The following VAV2 variants were observed in gnomAD, a reference collection of about 807,000 sequenced individuals.
VAV2 encodes the protein vav guanine nucleotide exchange factor 2.
Under a neutral mutation model 132.5 loss-of-function variants are expected in VAV2, and 67 were observed. That is an observed-to-expected ratio of 0.51 (90% CI 0.42 to 0.62). VAV2 has a LOEUF of 0.62. Ranked by LOEUF, VAV2 falls within the 20% of genes least tolerant of loss-of-function variation. The probability of loss-of-function intolerance (pLI) is 0.00; values close to 1 mark genes in which losing one functional copy is unlikely to be tolerated. For missense variants in VAV2, 938 were observed against 1,153.6 expected, an observed-to-expected ratio of 0.81 and a Z score of 2.71; for synonymous variants, 492 against 443.5, an observed-to-expected ratio of 1.11 and a Z score of -1.37.
chr9:133,872,007 T>C (rs948563170), intron 2 of VAV2, among the ~76,000 whole-genome samples: 5 of 152,222 alleles, frequency 3.3e-5, no homozygotes, highest in African/African-American at 1.2e-4. Context: ...GTTGGGATTC[T>C]AGTCTGGAAG....
chr9:133,971,347 C>T lies in VAV2; in HGVS notation c.204+20728G>A, dbSNP rs533472465. Among the ~76,000 whole-genome samples the T allele has an allele frequency of 9.7e-4, 147 of 152,280 alleles. 2 individuals carry two copies. Among genetic ancestry groups the T allele is most frequent in the Admixed American group, 3.5e-3 (54 of 15,308 alleles). On this transcript the variant is annotated intron_variant, in intron 1 of 29. Transcript: ENST00000371850. The stretch of plus-strand genomic sequence containing the variant: ...CCCAGGGGCAGCCGCAAGCAGGCAC[C>T]GTGGGACCGGTGACTCCACTGTGCC...
chr9:133,966,363 C>G (rs1265994273), intron 1 of VAV2, among the ~76,000 whole-genome samples: 2 of 152,172 alleles, frequency 1.3e-5, no homozygotes, highest in Non-Finnish European at 2.9e-5. Context: ...GATAGGGGAA[C>G]AAATCTGCAA....
At chr9:133,771,936 G>A (rs758505295) in intron 26 of VAV2, 23 bp downstream of exon 26, 29 of 1,610,966 alleles carry the variant, frequency 1.8e-5, no homozygotes, top group Non-Finnish European at 2.3e-5. Context: ...GGTGGGAGCC[G>A]GCCGGAGCCA....
In VAV2 at chr9:133,794,769, T is replaced by A. The variant is rs1412688136; in HGVS notation, c.1101+899A>T. Among the ~76,000 whole-genome samples, 1 of 152,158 alleles carries A rather than the reference T, an allele frequency of 6.6e-6. No homozygotes were observed. On this transcript the variant is annotated intron_variant, in intron 12 of 29. Coordinates refer to ENST00000371850, the MANE Select transcript of VAV2 (RefSeq NM_001134398.2). The surrounding 1 kb of genome is among the most constrained non-coding windows in gnomAD (Gnocchi z 4.6). ...GGGACCTACCACATGCCAGGTGCTG[T>A]GCCTGGCCTGGGGACACAGGTGACT...
rs2132092094 is a variant in VAV2 at position 133,926,430 on chromosome 9, C to T, written c.321+12673G>A. ...ATTATTACTAATTCCAACAACCTGGCTTGCAGCTTTAGATCGTGGGTCTCC... is the reference window on the plus strand; with the variant it reads ...ATTATTACTAATTCCAACAACCTGGTTTGCAGCTTTAGATCGTGGGTCTCC... On this transcript the variant is annotated intron_variant, in intron 2 of 29. Transcript: ENST00000371850. The surrounding 1 kb of genome is among the most constrained non-coding windows in gnomAD (Gnocchi z 4.3). 1 of 152,438 alleles carries T rather than the reference C, an allele frequency of 6.6e-6. No homozygotes were observed. The highest frequency in any genetic ancestry group is 1.5e-5 in the Non-Finnish European group (1 of 68,124). 9.4% of individuals were successfully genotyped at this position (152,438 alleles called of 1,614,324 possible). A position where few individuals can be genotyped will look rare whatever the true frequency, so the allele number is the denominator to read the frequency against.
At chr9:133,860,255 T>C (rs1451555396) in intron 3 of VAV2, among the ~76,000 whole-genome samples, 1 of 150,456 alleles carries the variant, frequency 6.6e-6, no homozygotes, top group Non-Finnish European at 1.5e-5. Context: ...TGAGCCGAGA[T>C]CGCGCCACTG....
chr9:133,825,377 C>T lies in VAV2; in HGVS notation c.449+8895G>A, dbSNP rs538000146. On this transcript the variant is annotated intron_variant, in intron 4 of 29. Coordinates refer to ENST00000371850, the MANE Select transcript of VAV2 (RefSeq NM_001134398.2). ...AAGGGGGCTTCATTCCGGCCTCCTT[C>T]AGACCAGGGCAGGCTTTGCATGTGC... Among the ~76,000 whole-genome samples the T allele has an allele frequency of 3.3e-5, 5 of 152,288 alleles. No homozygotes were observed. The South Asian group carries it at 1.0e-3, about 32-fold the overall frequency.
rs1348977718 is a variant in VAV2 at position 133,823,961 on chromosome 9, A to C, written c.449+10311T>G. ...CTGCGATCTCCCACTGAGAAGGAAC[A>C]AACGGCCTCTCCCTCAGTGGTGGGG... On this transcript the variant is annotated intron_variant, in intron 4 of 29. Transcript: ENST00000371850. The surrounding 1 kb of genome is among the most constrained non-coding windows in gnomAD (Gnocchi z 5.5). Among the ~76,000 whole-genome samples the C allele has an allele frequency of 2.6e-5, 4 of 152,154 alleles. No homozygotes were observed. The highest frequency in any genetic ancestry group is 9.7e-5 in the African/African-American group (4 of 41,428).
chr9:133,933,448 G>GATGA (rs1290512243), intron 2 of VAV2, among the ~76,000 whole-genome samples: 2 of 146,006 alleles, frequency 1.4e-5, no homozygotes, highest in African/African-American at 2.7e-5. Context: ...TGGATGGATG[G>GATGA]ATGAATGGAT....
intron 1 of VAV2, among the ~76,000 whole-genome samples, chr9:133,964,445 CAT>C (rs879896809): frequency 9.2e-5 from 14 of 151,854 alleles, no homozygotes; most frequent in African/African-American, 2.4e-4. Flanking sequence ...ATGTATATAA[CAT>C]ATATAATTTT....
chr9:133,960,102 C>T (rs1008216386), intron 1 of VAV2, among the ~76,000 whole-genome samples: 2 of 152,326 alleles, frequency 1.3e-5, no homozygotes, highest in South Asian at 2.1e-4. Flanking sequence ...GCCCCTGCCC[C>T]GGGGCTACCG....
In VAV2 at chr9:133,778,846, G is replaced by A. The variant is rs1270911209; in HGVS notation, c.1806C>T (p.Ala602=). 5 of 1,612,658 alleles carry A rather than the reference G, an allele frequency of 3.1e-6. No homozygotes were observed. The highest frequency in any genetic ancestry group is 1.6e-4 in the Middle Eastern group (1 of 6,080). ...VAMQNYHGNP[A]PPGKPVLTFQ... ...AGGTCAGCACAGGCTTCCCGGGAGG[G>A]GCTGGGTTGCCATGGTAATTCTGCA... The change falls in exon 22 of 30, where the codon GCC becomes GCT. Residue 602 remains alanine (A), a synonymous_variant. Coordinates refer to ENST00000371850, the MANE Select transcript of VAV2 (RefSeq NM_001134398.2).
intron 2 of VAV2, among the ~76,000 whole-genome samples, chr9:133,910,546 C>CA (rs1217324678): frequency 6.6e-6 from 1 of 151,776 alleles, no homozygotes. Context: ...CGCGGTGGCT[C>CA]ACACCTGTAA....
chr9:133,877,523 T>C (rs940812171), intron 2 of VAV2, among the ~76,000 whole-genome samples: 5 of 152,192 alleles, frequency 3.3e-5, no homozygotes, highest in Admixed American at 1.3e-4. Flanking sequence ...AATGTTACTA[T>C]GCCCCTTGTC....
Position 133,935,693 on chromosome 9 carries a change from G to A in VAV2, c.321+3410C>T, listed in dbSNP as rs892041909. On this transcript the variant is annotated intron_variant, in intron 2 of 29. Coordinates refer to ENST00000371850, the MANE Select transcript of VAV2 (RefSeq NM_001134398.2). The surrounding 1 kb of genome is among the most constrained non-coding windows in gnomAD (Gnocchi z 5.2). ...TGAACGTCCCAGCTCCCCAGCCTCC[G>A]CTGGCCCCAGGCCAGACTCCATTTG... Among the ~76,000 whole-genome samples the A allele has an allele frequency of 6.6e-6, 1 of 152,224 alleles. No individual in the cohort carries two copies. The highest frequency in any genetic ancestry group is 1.5e-5 in the Non-Finnish European group (1 of 68,032).
intron 10 of VAV2, 109 bp from the exon 11 acceptor site, chr9:133,796,633 C>T (rs1419488638): frequency 1.0e-6 from 1 of 997,450 alleles, no homozygotes; most frequent in Non-Finnish European, 1.5e-6. Context: ...AACTCAGGCC[C>T]AGACGTTTGG....
intron 4 of VAV2, among the ~76,000 whole-genome samples, chr9:133,818,892 T>G (rs62576521): frequency 0.2 from 30,061 of 151,886 alleles, 3,580 homozygotes; most frequent in African/African-American, 0.33. Context: ...TTACAGGCAC[T>G]CACCATGATG....
chr9:133,833,401 C>T lies in VAV2; in HGVS notation c.449+871G>A, dbSNP rs1396844196. On this transcript the variant is annotated intron_variant, in intron 4 of 29. Transcript: ENST00000371850. The surrounding 1 kb of genome is among the most constrained non-coding windows in gnomAD (Gnocchi z 5.6). Reference sequence around the variant, plus strand: ...GCTCTAAAACGAAGGGAGAGAGAAACACTAAGAGTCTTCCAGAAGAAACCG... The same window carrying T: ...GCTCTAAAACGAAGGGAGAGAGAAATACTAAGAGTCTTCCAGAAGAAACCG... Among the ~76,000 whole-genome samples the T allele has an allele frequency of 6.6e-6, 1 of 152,182 alleles. No homozygotes were observed. The highest frequency in any genetic ancestry group is 1.5e-5 in the Non-Finnish European group (1 of 68,028).
intron 1 of VAV2, among the ~76,000 whole-genome samples, chr9:133,964,582 A>G (rs1269226664): frequency 1.3e-5 from 2 of 152,206 alleles, no homozygotes; most frequent in Non-Finnish European, 2.9e-5. Flanking sequence ...ACAAAATCCT[A>G]GCAAACCAAA....
Sources: gnomAD v4.1 joint callset for allele counts (sites outside exome capture counted in the v4.1 genomes callset) on GRCh38, gnomAD v4.1.1 for gene constraint, Gnocchi (gnomAD v3.1) non-coding constraint, MANE v1.5 for transcripts, NCBI Gene and HGNC (gene_info 2026-07-23, HGNC 2026-07-21) for gene names.